Variants in IL1RAPL2 observed in about 807,000 individuals in gnomAD.
The protein encoded by IL1RAPL2 is interleukin 1 receptor accessory protein like 2, also known as X-linked interleukin-1 receptor accessory protein-like 2.
A neutral mutation model predicts 44.1 loss-of-function variants in IL1RAPL2; 3 were observed. The ratio of observed to expected loss-of-function variants is 0.07; its 90% CI spans 0.03 to 0.18. IL1RAPL2 has a LOEUF of 0.18. IL1RAPL2 is among the 10% of genes least tolerant of loss of function. IL1RAPL2 has a pLI of 1.00. For missense variants in IL1RAPL2, 391 were observed against 496.4 expected, an observed-to-expected ratio of 0.79 and a Z score of 2.02; for synonymous variants, 181 against 178.8, an observed-to-expected ratio of 1.01 and a Z score of -0.10.
chrX:104,916,037 G>C (rs1255263351), intron 2 of IL1RAPL2, among the ~76,000 whole-genome samples: 1 of 111,763 alleles, frequency 8.9e-6, no homozygotes, highest in Non-Finnish European at 1.9e-5. Flanking sequence ...GCTTAGGATT[G>C]ACTTGGCCAT....
chrX:104,761,842 CCTTCTT>C (rs200085037), intron 2 of IL1RAPL2, among the ~76,000 whole-genome samples: 7 of 52,325 alleles, frequency 1.3e-4, no homozygotes, highest in Non-Finnish European at 1.9e-4. Flanking sequence ...TTCTCCTTCT[CCTTCTT>C]CTCCTTCTCC....
intron 5 of IL1RAPL2, among the ~76,000 whole-genome samples, chrX:105,278,518 C>T (rs2034503289): frequency 9.0e-6 from 1 of 111,527 alleles, no homozygotes; most frequent in Non-Finnish European, 1.9e-5. Context: ...TCTATCAAGG[C>T]ACCCTTCCAT....
At chrX:105,473,603 GA>G (rs749679856) in intron 5 of IL1RAPL2, among the ~76,000 whole-genome samples, 1 of 111,980 alleles carries the variant, frequency 8.9e-6, no homozygotes, top group Non-Finnish European at 1.9e-5. Context: ...CCAAACAACT[GA>G]ACTTAAGTGA....
chrX:104,851,851 A>G (rs1922233801), intron 2 of IL1RAPL2, among the ~76,000 whole-genome samples: 1 of 111,888 alleles, frequency 8.9e-6, no homozygotes, highest in South Asian at 3.8e-4. Flanking sequence ...GAAGGAACCA[A>G]ACAGGAGGAG....
At chrX:105,213,445 A>G (rs1358760967) in intron 3 of IL1RAPL2, among the ~76,000 whole-genome samples, 1 of 109,876 alleles carries the variant, frequency 9.1e-6, no homozygotes, top group African/African-American at 3.3e-5. Context: ...ATAAAAAGGA[A>G]TGAACAAAGC....
At chrX:105,197,518 G>T (rs2033681617) in intron 3 of IL1RAPL2, among the ~76,000 whole-genome samples, 1 of 111,735 alleles carries the variant, frequency 8.9e-6, no homozygotes, top group Admixed American at 9.5e-5. Context: ...AATGTCTTCA[G>T]TCTTGTTACC....
chrX:105,760,771 C>A (rs188084629), intron 10 of IL1RAPL2, among the ~76,000 whole-genome samples: 4 of 112,192 alleles, frequency 3.6e-5, no homozygotes, highest in African/African-American at 1.3e-4. Context: ...CTATAGAGAA[C>A]AAAACTCCTG....
intron 2 of IL1RAPL2, among the ~76,000 whole-genome samples, chrX:104,909,610 G>T: frequency 8.9e-6 from 1 of 111,782 alleles, no homozygotes. Flanking sequence ...TGCCGTGTGA[G>T]GTGTCAGTGT....
At chrX:105,114,991 C>T (rs2032839330) in intron 2 of IL1RAPL2, among the ~76,000 whole-genome samples, 1 of 111,921 alleles carries the variant, frequency 8.9e-6, no homozygotes, top group African/African-American at 3.3e-5. Context: ...ATACAGGAAT[C>T]AAAATCCAGC....
At chrX:104,892,298 T>C (rs1039066345) in intron 2 of IL1RAPL2, among the ~76,000 whole-genome samples, 2 of 111,954 alleles carry the variant, frequency 1.8e-5, no homozygotes, top group Non-Finnish European at 3.8e-5. Context: ...ATCAGGATGA[T>C]ACTGGCCTCA....
chrX:105,268,733 A>C (rs965324331), intron 5 of IL1RAPL2, among the ~76,000 whole-genome samples: 1 of 111,256 alleles, frequency 9.0e-6, no homozygotes, highest in Admixed American at 9.6e-5. Context: ...ACGCCACTTC[A>C]CTCCAGCCTA....
intron 3 of IL1RAPL2, among the ~76,000 whole-genome samples, chrX:105,217,114 A>T (rs1396143116): frequency 9.3e-6 from 1 of 107,696 alleles, no homozygotes; most frequent in South Asian, 4.2e-4. Context: ...GGATCTAATT[A>T]AACTAAAGAG....
intron 2 of IL1RAPL2, among the ~76,000 whole-genome samples, chrX:104,905,710 T>G (rs1372817489): frequency 9.0e-6 from 1 of 111,402 alleles, no homozygotes; most frequent in Non-Finnish European, 1.9e-5. Flanking sequence ...ACTGTAGCCT[T>G]GTAGTATAGT....
intron 2 of IL1RAPL2, among the ~76,000 whole-genome samples, chrX:104,994,172 G>A (rs907170724): frequency 9.0e-6 from 1 of 111,587 alleles, no homozygotes; most frequent in African/African-American, 3.2e-5. Flanking sequence ...GATTGTATTC[G>A]TACAATAGAA....
In IL1RAPL2 at chrX:104,865,889, A is replaced by G. The variant is rs1216393270; in HGVS notation, c.82+206894A>G. On this transcript the variant is annotated intron_variant, in intron 2 of 10. Transcript: ENST00000372582. ...ACTGGCTTCCTTGCTCCTCTTGCAG[A>G]TGGCCTATTGTGGGATTTCACCTTG... Among the ~76,000 whole-genome samples, 17 of 112,354 alleles carry G rather than the reference A, an allele frequency of 1.5e-4. No homozygotes were observed. In the East Asian group the frequency reaches 4.5e-3, roughly 30 times the overall value.
At chrX:104,870,116 T>C (rs1364911984) in intron 2 of IL1RAPL2, among the ~76,000 whole-genome samples, 2 of 112,128 alleles carry the variant, frequency 1.8e-5, no homozygotes, top group Non-Finnish European at 3.8e-5. Context: ...TGAAGAACAT[T>C]ACAAATTAAA....
At chrX:105,535,748 G>A (rs1347790390) in intron 6 of IL1RAPL2, among the ~76,000 whole-genome samples, 1 of 111,469 alleles carries the variant, frequency 9.0e-6, no homozygotes, top group African/African-American at 3.3e-5. Context: ...GTGATAAAAA[G>A]CAGACAAGCC....
At chrX:105,728,208 G>A in intron 7 of IL1RAPL2, among the ~76,000 whole-genome samples, 1 of 110,922 alleles carries the variant, frequency 9.0e-6, no homozygotes, top group Non-Finnish European at 1.9e-5. Context: ...CAGAACTCCT[G>A]GCAACTCCTT....
intron 2 of IL1RAPL2, among the ~76,000 whole-genome samples, chrX:105,061,642 T>G (rs2032076518): frequency 8.9e-6 from 1 of 112,011 alleles, no homozygotes; most frequent in Non-Finnish European, 1.9e-5. Flanking sequence ...CTTGTTGACA[T>G]CTCCAGCTAT....
Sources: gnomAD v4.1 joint callset for allele counts (sites outside exome capture counted in the v4.1 genomes callset) on GRCh38, gnomAD v4.1.1 for gene constraint, MANE v1.5 for transcripts, NCBI Gene and HGNC (gene_info 2026-07-23, HGNC 2026-07-21) for gene names.